Variants in FAM135B observed in about 807,000 individuals in gnomAD.
FAM135B encodes the protein protein FAM135B.
FAM135B carries 43 observed loss-of-function variants against 127.7 expected under a neutral mutation model. That is an observed-to-expected ratio of 0.34 (90% CI 0.26 to 0.43). The LOEUF is 0.43. FAM135B is among the 20% of genes least tolerant of loss of function. FAM135B has a pLI of 1.00. For synonymous variants in FAM135B, 670 were observed against 665.1 expected, an observed-to-expected ratio of 1.01 and a Z score of -0.11; for missense variants, 1,558 against 1,725.6, an observed-to-expected ratio of 0.90 and a Z score of 1.72.
intron 7 of FAM135B, among the ~76,000 whole-genome samples, chr8:138,239,382 C>G (rs1232457230): frequency 6.6e-6 from 1 of 152,158 alleles, no homozygotes; most frequent in Non-Finnish European, 1.5e-5. Context: ...CTGTTCATAT[C>G]CTTCACCCAC....
chr8:138,192,126 C>G (rs1350360189), intron 9 of FAM135B, among the ~76,000 whole-genome samples: 1 of 152,196 alleles, frequency 6.6e-6, no homozygotes, highest in Non-Finnish European at 1.5e-5. Flanking sequence ...ATGAGAAAAT[C>G]CACACAATGT....
At chr8:138,207,586 G>T (rs1397784041) in intron 7 of FAM135B, among the ~76,000 whole-genome samples, 1 of 152,142 alleles carries the variant, frequency 6.6e-6, no homozygotes, top group East Asian at 1.9e-4. Context: ...GCTCCTGAGG[G>T]ACAGTTCATT....
rs547726227 is a variant in FAM135B, at chr8:138,130,637, A to G, written c.*1956T>C. On this transcript the variant is annotated 3_prime_UTR_variant, in exon 20 of 20. Transcript: ENST00000395297. Reference sequence around the variant, plus strand: ...TGCACTCATCAGAGGGACAGGGCCCATCATTTGGCCAGAAAGGAGAAGCTG... The same window carrying G: ...TGCACTCATCAGAGGGACAGGGCCCGTCATTTGGCCAGAAAGGAGAAGCTG... The G allele has an allele frequency of 6.6e-6, 1 of 152,266 alleles. No homozygotes were observed. The highest frequency in any genetic ancestry group is 1.5e-5 in the Non-Finnish European group (1 of 68,090). The allele number at this position is 152,266 out of a possible 1,614,324, so 9.4% of individuals were successfully genotyped here. A position where few individuals can be genotyped will look rare whatever the true frequency, so the allele number is the denominator to read the frequency against.
chr8:138,405,783 C>T (rs1347760553), intron 1 of FAM135B, among the ~76,000 whole-genome samples: 2 of 151,976 alleles, frequency 1.3e-5, no homozygotes, highest in Non-Finnish European at 2.9e-5. Context: ...CCTGAGGAAT[C>T]GCCACACTGA....
chr8:138,474,288 C>T (rs976863549), intron 1 of FAM135B, among the ~76,000 whole-genome samples: 5 of 152,068 alleles, frequency 3.3e-5, no homozygotes, highest in Non-Finnish European at 4.4e-5. Context: ...CCAGTTCTAC[C>T]GGCCATTAAC....
chr8:138,394,796 A>T (rs1163065450), intron 1 of FAM135B, among the ~76,000 whole-genome samples: 1 of 152,186 alleles, frequency 6.6e-6, no homozygotes, highest in African/African-American at 2.4e-5. Context: ...TGGTGGAAGG[A>T]GACAGATCCC....
chr8:138,226,184 T>TGTGTGTGTGTGTGTGCGTGCGCGCGCGC, intron 7 of FAM135B, among the ~76,000 whole-genome samples: 1 of 139,202 alleles, frequency 7.2e-6, no homozygotes, highest in Non-Finnish European at 1.5e-5. Context: ...TGTGTGTGTG[T>TGTGTGTGTGTGTGTGCGTGCGCGCGCGC]GCGCGCATGT....
chr8:138,144,664 C>T (rs1157358612), intron 15 of FAM135B, among the ~76,000 whole-genome samples: 3 of 152,126 alleles, frequency 2.0e-5, no homozygotes, highest in South Asian at 2.1e-4. Flanking sequence ...TGCAAGTGGA[C>T]CTGCTGATGA....
At chr8:138,258,558 T>C (rs1481407939) in intron 4 of FAM135B, among the ~76,000 whole-genome samples, 1 of 152,140 alleles carries the variant, frequency 6.6e-6, no homozygotes, top group Non-Finnish European at 1.5e-5. Context: ...TGAGCACGCA[T>C]ATGCCTGGGT....
chr8:138,429,494 A>G (rs1835081636), intron 1 of FAM135B, among the ~76,000 whole-genome samples: 1 of 152,208 alleles, frequency 6.6e-6, no homozygotes, highest in Non-Finnish European at 1.5e-5. Context: ...ACGTAAAGGA[A>G]GCAAACAACA....
chr8:138,146,036 G>A lies in FAM135B; in HGVS notation c.3463C>T (p.Leu1155Phe). The change falls in exon 15 of 20, where the codon CTC becomes TTC. Residue 1155 changes from leucine to phenylalanine, a missense_variant. By Grantham distance (22) the Leu-to-Phe change is conservative. Around this residue, in one of 5 missense-constraint regions of FAM135B, gnomAD observed 194 missense variants for 333.8 expected, o/e 0.58. Coordinates refer to ENST00000395297, the MANE Select transcript of FAM135B (RefSeq NM_015912.4). ...VHGLDGNSAD[L>F]RLVKTFIELG... ...TCTATGAAAGTCTTTACCAGCCGGA[G>A]GTCTGCACTGTTCCCTAAAAATGAC... 6.2e-7 allele frequency: 1 copy of A among 1,601,582 alleles called. No homozygotes were observed. Among genetic ancestry groups the A allele is most frequent in the Non-Finnish European group, 8.6e-7 (1 of 1,168,878 alleles).
At chr8:138,470,058 A>G (rs949395499) in intron 1 of FAM135B, among the ~76,000 whole-genome samples, 2 of 152,200 alleles carry the variant, frequency 1.3e-5, no homozygotes, top group Non-Finnish European at 2.9e-5. Context: ...GAATGAGGTA[A>G]TAAAATAATT....
At chr8:138,191,809 AC>A (rs1816153582) in intron 9 of FAM135B, among the ~76,000 whole-genome samples, 1 of 152,206 alleles carries the variant, frequency 6.6e-6, no homozygotes, top group Non-Finnish European at 1.5e-5. Flanking sequence ...CTACTTTATG[AC>A]CACAAAAAAT....
chr8:138,424,768 T>C (rs1304169036), intron 1 of FAM135B, among the ~76,000 whole-genome samples: 1 of 152,196 alleles, frequency 6.6e-6, no homozygotes, highest in East Asian at 1.9e-4. Flanking sequence ...TTAGTTGTTG[T>C]CTCAATAAAT....
At chr8:138,367,292 T>C (rs949197809) in intron 2 of FAM135B, 1 of 440,458 alleles carries the variant, frequency 2.3e-6, no homozygotes, top group Admixed American at 2.5e-5. Flanking sequence ...CACATCTGTG[T>C]TTGGTTTCTT....
At chr8:138,230,649 CCTT>C (rs1819838336) in intron 7 of FAM135B, among the ~76,000 whole-genome samples, 1 of 152,120 alleles carries the variant, frequency 6.6e-6, no homozygotes, top group Non-Finnish European at 1.5e-5. Context: ...CGCTGAGTCT[CCTT>C]CTAGGAGACT....
intron 7 of FAM135B, among the ~76,000 whole-genome samples, chr8:138,229,042 CGTGTGT>C (rs35367239): frequency 1.3e-5 from 2 of 150,900 alleles, no homozygotes; most frequent in South Asian, 2.1e-4. Context: ...AACACTCACA[CGTGTGT>C]GTGTGTGTGT....
At chr8:138,441,991 T>C (rs1351109218) in intron 1 of FAM135B, among the ~76,000 whole-genome samples, 1 of 151,338 alleles carries the variant, frequency 6.6e-6, no homozygotes, top group African/African-American at 2.4e-5. Context: ...ACACACCGAG[T>C]GATGCAGATT....
At chr8:138,350,322 T>C (rs775393027) in intron 2 of FAM135B, among the ~76,000 whole-genome samples, 2 of 152,110 alleles carry the variant, frequency 1.3e-5, no homozygotes, top group African/African-American at 4.8e-5. Context: ...AGGAGGCCAA[T>C]AGACAAGGGC....
Sources: allele counts gnomAD v4.1 joint callset (sites outside exome capture counted in the v4.1 genomes callset), GRCh38; gene constraint gnomAD v4.1.1; regional missense constraint gnomAD v4.1.1; transcripts MANE v1.5; gene names NCBI Gene and HGNC (gene_info 2026-07-23, HGNC 2026-07-21).